TENM4: variants seen among roughly 807,000 people sequenced by gnomAD.
The protein encoded by TENM4 is teneurin-4.
TENM4 carries 82 observed loss-of-function variants against 243.3 expected under a neutral mutation model. The ratio of observed to expected loss-of-function variants is 0.34; its 90% confidence interval spans 0.28 to 0.40. The LOEUF is 0.40. Among genes scored for constraint, TENM4 ranks in the 10% least tolerant of loss-of-function variants. The probability of loss-of-function intolerance (pLI) is 1.00; values close to 1 mark genes in which losing one functional copy is unlikely to be tolerated. For synonymous variants in TENM4, 1,412 were observed against 1,456.3 expected (o/e 0.97, Z 0.69); for missense variants, 3,138 against 3,673.3 (o/e 0.85, Z 3.77).
At chr11:78,843,623 A>T (rs542074655) in intron 12 of TENM4, among the ~76,000 whole-genome samples, 2 of 152,242 alleles carry the variant, frequency 1.3e-5, no homozygotes, top group Non-Finnish European at 2.9e-5. Context: ...GTAAAGATTG[A>T]AAAGCCCCGA....
At chr11:79,364,024 G>C (rs1533127) in intron 1 of TENM4, among the ~76,000 whole-genome samples, 81,805 of 152,086 alleles carry the variant, frequency 0.54, 22,621 homozygotes, top group African/African-American at 0.67. Flanking sequence ...GCTGTTGGCT[G>C]TCACCTTCTG....
chr11:78,805,563 A>G (rs1857373141), intron 14 of TENM4, 71 bp from the exon 15 acceptor site: 7 of 1,521,600 alleles, frequency 4.6e-6, no homozygotes, highest in Non-Finnish European at 5.3e-6. Context: ...TAAGCAAACT[A>G]CTTAGCTTTG....
Position 78,677,758 on chromosome 11 carries a change from C to T in TENM4, c.5261-1371G>A, listed in dbSNP as rs543219787. Among the ~76,000 whole-genome samples, 108 of 151,406 alleles carry T rather than the reference C, an allele frequency of 7.1e-4. 1 individual carries two copies. Among genetic ancestry groups the T allele is most frequent in the African/African-American group, 2.3e-3 (94 of 41,238 alleles). On this transcript the variant is annotated intron_variant, in intron 29 of 33. Coordinates refer to ENST00000278550, the MANE Select transcript of TENM4 (RefSeq NM_001098816.3). ...TTGAAATTTTAAATTTGATTTAAAA[C>T]ATTCTAACTTAGATTCTTTTTTTTT... is the stretch of plus-strand genomic sequence containing the variant.
intron 1 of TENM4, among the ~76,000 whole-genome samples, chr11:79,424,113 C>T (rs1246021813): frequency 1.3e-5 from 2 of 152,168 alleles, no homozygotes; most frequent in African/African-American, 2.4e-5. Context: ...ACAAGCTAGT[C>T]CAGTGGCTTC....
At chr11:78,786,284 C>T (rs1018876266) in intron 16 of TENM4, among the ~76,000 whole-genome samples, 1 of 152,202 alleles carries the variant, frequency 6.6e-6, no homozygotes, top group East Asian at 1.9e-4. Context: ...AGATCCCAGG[C>T]CTAATGGACT....
intron 1 of TENM4, among the ~76,000 whole-genome samples, chr11:79,389,229 C>T (rs1167056533): frequency 6.6e-6 from 1 of 152,178 alleles, no homozygotes; most frequent in African/African-American, 2.4e-5. Flanking sequence ...AATCATGGCT[C>T]ACTGCAGCCT....
intron 3 of TENM4, among the ~76,000 whole-genome samples, chr11:79,159,021 G>A (rs771938617): frequency 2.0e-5 from 3 of 152,202 alleles, no homozygotes; most frequent in Non-Finnish European, 4.4e-5. Flanking sequence ...TAGAGAGGTT[G>A]AAGTGAGTGG....
intron 6 of TENM4, among the ~76,000 whole-genome samples, chr11:79,050,711 A>G (rs551572724): frequency 4.6e-5 from 7 of 152,354 alleles, no homozygotes; most frequent in Non-Finnish European, 8.8e-5. Context: ...AACTAAGTAC[A>G]GCAAACTCAT....
At chr11:79,031,209 A>T (rs1450479665) in intron 6 of TENM4, among the ~76,000 whole-genome samples, 2 of 152,214 alleles carry the variant, frequency 1.3e-5, no homozygotes, top group Non-Finnish European at 2.9e-5. Context: ...ATCCTGGCAC[A>T]TTAGAGGAGC....
chr11:78,781,476 A>G (rs1035515139), intron 16 of TENM4, among the ~76,000 whole-genome samples: 1 of 152,190 alleles, frequency 6.6e-6, no homozygotes, highest in Admixed American at 6.5e-5. Context: ...TTTTGGCATG[A>G]GGTTGGTCTG....
At chr11:78,786,070 G>A (rs1480992723) in intron 16 of TENM4, among the ~76,000 whole-genome samples, 4 of 152,234 alleles carry the variant, frequency 2.6e-5, no homozygotes, top group Admixed American at 6.5e-5. Flanking sequence ...AAGAGCTTTT[G>A]GTGAGTGCTC....
chr11:78,674,333 G>A (rs969113384), intron 30 of TENM4, among the ~76,000 whole-genome samples: 1 of 152,196 alleles, frequency 6.6e-6, no homozygotes, highest in Non-Finnish European at 1.5e-5. Flanking sequence ...CCACCACTGT[G>A]GGTGGCCATT....
intron 2 of TENM4, among the ~76,000 whole-genome samples, chr11:79,292,541 G>A (rs1282583447): frequency 6.6e-6 from 1 of 152,164 alleles, no homozygotes; most frequent in Non-Finnish European, 1.5e-5. Flanking sequence ...CTTCTAAATG[G>A]AAACCTCTCA....
rs754346137 is a variant in TENM4, at chr11:78,712,637, C to T, written c.3899G>A (p.Arg1300Gln). 2.5e-5 allele frequency: 40 copies of T among 1,613,824 alleles called. No individual in the cohort carries two copies. Among genetic ancestry groups the T allele is most frequent in the South Asian group, 4.4e-5 (4 of 91,082 alleles). The change falls in exon 26 of 34, where the codon CGG becomes CAG. Residue 1300 changes from arginine to glutamine, a missense_variant. By Grantham distance (43) the Arg-to-Gln change is conservative (BLOSUM62 1). Coordinates refer to ENST00000278550, the MANE Select transcript of TENM4 (RefSeq NM_001098816.3). ...GAVFLSDSNSRRVFKIKSTVV... is the reference protein window; with the variant it reads ...GAVFLSDSNSQRVFKIKSTVV... ...AGTGGACTTGATTTTAAAGACCCGC[C>T]GGCTGTTGCTGTCAGAAAGGAAGAC...
At chr11:79,431,102 G>A (rs1397722) in intron 1 of TENM4, among the ~76,000 whole-genome samples, 92,035 of 151,966 alleles carry the variant, frequency 0.61, 27,898 homozygotes, top group Non-Finnish European at 0.62. Flanking sequence ...GAAAAAAGTC[G>A]AAACAATCTT....
intron 1 of TENM4, among the ~76,000 whole-genome samples, chr11:79,322,338 T>C (rs373886178): frequency 2.6e-5 from 4 of 152,208 alleles, no homozygotes; most frequent in Admixed American, 6.5e-5. Flanking sequence ...AATATTCTAC[T>C]GTTGCTGTCA....
At chr11:78,999,927 C>T (rs935708798) in intron 6 of TENM4, among the ~76,000 whole-genome samples, 2 of 151,912 alleles carry the variant, frequency 1.3e-5, no homozygotes, top group African/African-American at 4.8e-5. Flanking sequence ...CAAAATGAAC[C>T]CCTAGCAAGA....
At chr11:79,298,054 C>T (rs548690515) in intron 1 of TENM4, among the ~76,000 whole-genome samples, 9 of 152,154 alleles carry the variant, frequency 5.9e-5, no homozygotes, top group African/African-American at 1.7e-4. Flanking sequence ...TGTGTTAGGC[C>T]GTGACAGTTG....
intron 3 of TENM4, among the ~76,000 whole-genome samples, chr11:79,205,464 A>C (rs1353370245): frequency 6.6e-6 from 1 of 152,210 alleles, no homozygotes; most frequent in Non-Finnish European, 1.5e-5. Context: ...TTTTATCTCC[A>C]TACCCGCATC....
Sources: gnomAD v4.1 joint callset for allele counts (sites outside exome capture counted in the v4.1 genomes callset) on GRCh38, gnomAD v4.1.1 for gene constraint, MANE v1.5 for transcripts, NCBI Gene and HGNC (gene_info 2026-07-23, HGNC 2026-07-21) for gene names.